Variants in LRRC37A2 observed in about 807,000 individuals in gnomAD.
LRRC37A2 encodes the protein leucine-rich repeat-containing protein 37A2.
In LRRC37A2, 9 loss-of-function variants were observed where a neutral mutation model predicts 68.8. That is an observed-to-expected ratio of 0.13 (90% CI 0.08 to 0.23). The LOEUF is 0.23. Ranked by LOEUF, LRRC37A2 falls within the 10% of genes least tolerant of loss-of-function variation. LRRC37A2 has a pLI of 1.00. For missense variants in LRRC37A2, 168 were observed against 950.4 expected (o/e 0.18, Z 10.82); for synonymous variants, 63 against 367.6 (o/e 0.17, Z 9.48).
chr17:46,673,909 G>GATAT, the LRRC37A2 span, among the ~76,000 whole-genome samples: 177 of 9,288 alleles, frequency 0.019, 49 homozygotes, highest in East Asian at 0.22. Context: ...TATTCCATGG[G>GATAT]GGTGTGTGTG....
At chr17:46,825,359 C>T in the LRRC37A2 span, among the ~76,000 whole-genome samples, 1 of 152,218 alleles carries the variant, frequency 6.6e-6, no homozygotes, top group East Asian at 1.9e-4. Flanking sequence ...TCTCTTCTGT[C>T]TCCAACCTTA....
chr17:46,999,887 T>C, the LRRC37A2 span, among the ~76,000 whole-genome samples: 1 of 150,222 alleles, frequency 6.7e-6, no homozygotes, highest in Non-Finnish European at 1.5e-5. Flanking sequence ...TAATCCCAGC[T>C]ACTCAGGAGG....
At chr17:47,000,086 T>TAAAATAAAATAAAATAAAATAA in the LRRC37A2 span, among the ~76,000 whole-genome samples, 1 of 11,546 alleles carries the variant, frequency 8.7e-5, no homozygotes, top group Non-Finnish European at 2.1e-4. Context: ...AAAAATAAAA[T>TAAAATAAAATAAAATAAAATAA]AAAATAAAAT....
chr17:47,018,465 C>T, the LRRC37A2 span: 3 of 1,535,562 alleles, frequency 2.0e-6, no homozygotes, highest in Non-Finnish European at 2.7e-6. Flanking sequence ...AGCAGCAGAG[C>T]CTAGTGCAGA....
chr17:46,739,279 G>A, the LRRC37A2 span, among the ~76,000 whole-genome samples: 1 of 148,114 alleles, frequency 6.8e-6, no homozygotes, highest in Admixed American at 6.9e-5. Context: ...GCTGAGGCAG[G>A]AGAATCGCTT....
the LRRC37A2 span, chr17:46,769,695 G>A: frequency 1.3e-5 from 21 of 1,556,520 alleles, no homozygotes; most frequent in East Asian, 9.2e-5. Context: ...CAGGGCTGCC[G>A]GAAGGGGTGA....
chr17:46,891,882 C>T, the LRRC37A2 span, among the ~76,000 whole-genome samples: 1 of 149,616 alleles, frequency 6.7e-6, no homozygotes, highest in Non-Finnish European at 1.5e-5. Flanking sequence ...CAAGTTCCTC[C>T]TTTTACTCTT....
At chr17:47,019,520 T>A in the LRRC37A2 span, 1 of 1,528,550 alleles carries the variant, frequency 6.5e-7, no homozygotes, top group South Asian at 1.1e-5. Context: ...CAGCTCCTCA[T>A]CCAGATCAGC....
At chr17:46,756,156 C>A in the LRRC37A2 span, 2 of 221,932 alleles carry the variant, frequency 9.0e-6, no homozygotes, top group African/African-American at 2.3e-5. Context: ...AGCACCATCA[C>A]CCTTGAAAAC....
the LRRC37A2 span, among the ~76,000 whole-genome samples, chr17:47,008,172 G>A: frequency 9.8e-3 from 1,459 of 148,320 alleles, 29 homozygotes; most frequent in African/African-American, 0.035. Flanking sequence ...GTGCAATGGC[G>A]CAATCTCGGC....
the LRRC37A2 span, among the ~76,000 whole-genome samples, chr17:46,796,893 G>A: frequency 2.0e-5 from 3 of 152,142 alleles, no homozygotes; most frequent in Non-Finnish European, 1.5e-5. Flanking sequence ...TAGTTTACAC[G>A]GGATGATTAC....
At chr17:46,997,207 C>A in the LRRC37A2 span, among the ~76,000 whole-genome samples, 1 of 151,956 alleles carries the variant, frequency 6.6e-6, no homozygotes, top group Admixed American at 6.6e-5. Context: ...AAAAAATTAG[C>A]CAAGTGTGGT....
At chr17:46,722,680 G>A in the LRRC37A2 span, among the ~76,000 whole-genome samples, 89,680 of 152,028 alleles carry the variant, frequency 0.59, 29,063 homozygotes, top group South Asian at 0.8. Context: ...GGCAGAAATC[G>A]TGGATCCTGG....
the LRRC37A2 span, among the ~76,000 whole-genome samples, chr17:46,761,392 T>C: frequency 2.0e-5 from 3 of 150,534 alleles, 1 homozygote; most frequent in South Asian, 6.3e-4. Flanking sequence ...AGTACAGTGG[T>C]GCGATCTCAG....
chr17:46,920,387 T>G, the LRRC37A2 span, among the ~76,000 whole-genome samples: 1 of 152,164 alleles, frequency 6.6e-6, no homozygotes, highest in African/African-American at 2.4e-5. Flanking sequence ...CTATCTCCAG[T>G]ATCTGTGCAT....
chr17:46,610,071 TC>T, the LRRC37A2 span, among the ~76,000 whole-genome samples: 7 of 129,984 alleles, frequency 5.4e-5, 1 homozygote, highest in African/African-American at 2.0e-4. Context: ...TTCTTTCCTT[TC>T]TTTCCTTCTT....
chr17:46,935,457 G>A, the LRRC37A2 span: 1 of 1,384,382 alleles, frequency 7.2e-7, no homozygotes, highest in South Asian at 1.8e-5. Context: ...TACTACGAGG[G>A]GTCCAATCAC....
At chr17:46,855,672 A>G in the LRRC37A2 span, among the ~76,000 whole-genome samples, 5 of 152,210 alleles carry the variant, frequency 3.3e-5, no homozygotes, top group Non-Finnish European at 7.3e-5. Flanking sequence ...GCTGGGCACA[A>G]GACAGGCCCA....
the LRRC37A2 span, chr17:46,930,047 A>ATTTTTTTTTTTTTTTTTC: frequency 8.1e-6 from 1 of 124,048 alleles, no homozygotes; most frequent in Non-Finnish European, 1.7e-5. Context: ...GTTTTTTTTC[A>ATTTTTTTTTTTTTTTTTC]TTTTTTTTTT....
Sources: allele counts gnomAD v4.1 joint callset (sites outside exome capture counted in the v4.1 genomes callset), GRCh38; gene constraint gnomAD v4.1.1; transcripts MANE v1.5; gene names NCBI Gene and HGNC (gene_info 2026-07-23, HGNC 2026-07-21).